Variants in TACR1 observed in about 807,000 individuals in gnomAD.
TACR1 encodes the protein tachykinin receptor 1.
Under a neutral mutation model 35.8 loss-of-function variants are expected in TACR1, and 25 were observed. The observed-to-expected ratio is 0.70, with a 90% CI of 0.51 to 0.98. The LOEUF (loss-of-function observed/expected upper bound fraction) is 0.98, where lower values mean the gene tolerates loss of function less well. Among genes scored for constraint, TACR1 ranks in the 50% least tolerant of loss-of-function variants. The pLI is 0.00. For synonymous variants in TACR1, 195 were observed against 206.7 expected, an observed-to-expected ratio of 0.94 and a Z score of 0.48; for missense variants, 478 against 522.9, an observed-to-expected ratio of 0.91 and a Z score of 0.84.
Position 75,154,413 on chromosome 2 carries a change from C to CGT in TACR1, c.390-33646_390-33645insAC, listed in dbSNP as rs1674767148. 3.2e-5 allele frequency: 2 copies of CGT among 62,070 alleles called. 1 individual carries two copies. The highest frequency in any genetic ancestry group is 6.1e-5 in the Non-Finnish European group (2 of 32,592). The allele number at this position is 62,070 out of a possible 1,614,324, so 3.8% of individuals were successfully genotyped here. ...ATAATCAGCCAAGAGCGCGCACGCA[C>CGT]ACACACACACACACACACACACACA... On this transcript the variant is annotated intron_variant, in intron 1 of 4. Transcript: ENST00000305249.
intron 1 of TACR1, among the ~76,000 whole-genome samples, chr2:75,164,472 G>C (rs376285422): frequency 2.0e-5 from 3 of 152,058 alleles, no homozygotes; most frequent in African/African-American, 7.2e-5. Context: ...AAAATTGAAC[G>C]CAGTACGTGA....
At chr2:75,157,606 G>A (rs1172797225) in intron 1 of TACR1, among the ~76,000 whole-genome samples, 3 of 152,180 alleles carry the variant, frequency 2.0e-5, no homozygotes, top group Admixed American at 1.3e-4. Flanking sequence ...ATACTCACTG[G>A]GAACATCCCC....
chr2:75,062,885 A>G (rs1014020087), intron 2 of TACR1, among the ~76,000 whole-genome samples: 2 of 152,180 alleles, frequency 1.3e-5, no homozygotes, highest in East Asian at 1.9e-4. Flanking sequence ...TTAAAATTTT[A>G]TAATTGTATT....
rs527568143 is a variant in TACR1 at position 75,132,492 on chromosome 2, TACTC to T, written c.390-11728_390-11725del. Among the ~76,000 whole-genome samples the T allele has an allele frequency of 4.4e-4, 67 of 152,310 alleles. 1 individual carries two copies. Among genetic ancestry groups the T allele is most frequent in the East Asian group, 1.5e-3 (8 of 5,186 alleles). ...ATGTCTAGTCATTCTTTATAATTTT[TACTC>T]ACTCCTCATATTGTCAGACTTCTTT... is the stretch of plus-strand genomic sequence containing the variant. On this transcript the variant is annotated intron_variant, in intron 1 of 4. Transcript: ENST00000305249.
chr2:75,107,451 G>T (rs1239687082), intron 2 of TACR1, among the ~76,000 whole-genome samples: 1 of 151,862 alleles, frequency 6.6e-6, no homozygotes, highest in Non-Finnish European at 1.5e-5. Flanking sequence ...GGTAACCTTT[G>T]ATATATGCCA....
In TACR1 at chr2:75,172,011, G is replaced by T. The variant is rs78647174; in HGVS notation, c.389+26535C>A. Among the ~76,000 whole-genome samples the T allele has an allele frequency of 2.1e-3, 317 of 152,232 alleles. 10 individuals are homozygous for T. In the East Asian group the frequency reaches 0.039, roughly 19 times the overall value. ...TGAGGATGTGAGAGGGACCATGGGT[G>T]GAATTCAGGTATTTCTTCATAGCAG... On this transcript the variant is annotated intron_variant, in intron 1 of 4. Transcript: ENST00000305249.
At chr2:75,162,062 AAG>A (rs1491008289) in intron 1 of TACR1, among the ~76,000 whole-genome samples, 2 of 151,230 alleles carry the variant, frequency 1.3e-5, no homozygotes, top group African/African-American at 2.4e-5. Flanking sequence ...AAAAAAAAAA[AAG>A]AAGTGAGTCT....
chr2:75,166,331 G>C (rs1378799116), intron 1 of TACR1, among the ~76,000 whole-genome samples: 1 of 152,034 alleles, frequency 6.6e-6, no homozygotes, highest in African/African-American at 2.4e-5. Context: ...AACAAACATA[G>C]AATGATGAAA....
intron 2 of TACR1, among the ~76,000 whole-genome samples, chr2:75,064,262 G>C (rs1166145402): frequency 6.6e-6 from 1 of 152,120 alleles, no homozygotes; most frequent in Non-Finnish European, 1.5e-5. Context: ...GGGCAGTAAT[G>C]GTGTTTGAGG....
intron 1 of TACR1, among the ~76,000 whole-genome samples, chr2:75,130,663 C>T (rs1674160433): frequency 6.6e-6 from 1 of 152,200 alleles, no homozygotes; most frequent in Non-Finnish European, 1.5e-5. Context: ...GAATGTGTAA[C>T]TTGCACAAAA....
intron 1 of TACR1, among the ~76,000 whole-genome samples, chr2:75,175,734 C>G (rs1000010907): frequency 6.6e-6 from 1 of 152,076 alleles, no homozygotes; most frequent in Admixed American, 6.5e-5. Flanking sequence ...ATCTCAATAT[C>G]CTTAGCTTAA....
At chr2:75,095,398 G>A (rs1673402607) in intron 2 of TACR1, among the ~76,000 whole-genome samples, 1 of 152,174 alleles carries the variant, frequency 6.6e-6, no homozygotes, top group Admixed American at 6.5e-5. Flanking sequence ...TTAGAGGAGG[G>A]AATTCACTGG....
chr2:75,124,239 C>T lies in TACR1; in HGVS notation c.390-3471G>A, dbSNP rs144822140. On this transcript the variant is annotated intron_variant, in intron 1 of 4. Coordinates refer to ENST00000305249, the MANE Select transcript of TACR1 (RefSeq NM_001058.4). ...GATGATGCTTTATAAAAAGAACTCT[C>T]TGCTGCACATTTGTTTTTTCTTGTA... 4.5e-4 allele frequency among the ~76,000 whole-genome samples: 68 copies of T among 152,336 alleles called. 1 individual carries two copies. The highest frequency in any genetic ancestry group is 1.4e-3 in the African/African-American group (59 of 41,586).
chr2:75,122,970 A>G (rs752683527), intron 1 of TACR1, among the ~76,000 whole-genome samples: 30 of 151,904 alleles, frequency 2.0e-4, no homozygotes, highest in Non-Finnish European at 3.7e-4. Flanking sequence ...GGAGCCCTGT[A>G]TCCTCTTCAA....
At position 75,069,080 on chromosome 2, in the gene TACR1, G is replaced by A. The variant is rs535986880; in HGVS notation, c.585-15325C>T. On this transcript the variant is annotated intron_variant, in intron 2 of 4. Coordinates refer to ENST00000305249, the MANE Select transcript of TACR1 (RefSeq NM_001058.4). ...TCTCGTGAAAGTGAATAAGTCTCACGAGATGTGATGGTTTTATAAGAGGGG... is the reference window on the plus strand; with the variant it reads ...TCTCGTGAAAGTGAATAAGTCTCACAAGATGTGATGGTTTTATAAGAGGGG... Among the ~76,000 whole-genome samples the A allele has an allele frequency of 4.6e-5, 7 of 152,152 alleles. No individual in the cohort carries two copies. The South Asian group carries it at 1.2e-3, about 27-fold the overall frequency.
At chr2:75,059,909 C>G (rs1171313165) in intron 2 of TACR1, among the ~76,000 whole-genome samples, 1 of 152,208 alleles carries the variant, frequency 6.6e-6, no homozygotes, top group African/African-American at 2.4e-5. Flanking sequence ...AAAAAAATTT[C>G]AGGTCCATGT....
chr2:75,184,884 C>T (rs1186590009), intron 1 of TACR1, among the ~76,000 whole-genome samples: 1 of 151,678 alleles, frequency 6.6e-6, no homozygotes, highest in Non-Finnish European at 1.5e-5. Flanking sequence ...GCATCATGTT[C>T]ATACACTGAA....
Position 75,116,371 on chromosome 2 carries a change from G to A in TACR1, c.584+4203C>T, listed in dbSNP as rs1263279588. On this transcript the variant is annotated intron_variant, in intron 2 of 4. Coordinates refer to ENST00000305249, the MANE Select transcript of TACR1 (RefSeq NM_001058.4). ...TGCCTGGGCCTCCCAAAAAATACTG[G>A]GATTACAGTCATGAGCCACTGCACT... Among the ~76,000 whole-genome samples the A allele has an allele frequency of 2.6e-5, 4 of 152,004 alleles. No individual in the cohort carries two copies. The South Asian group carries it at 8.3e-4, about 32-fold the overall frequency.
chr2:75,106,122 C>T (rs1673640380), intron 2 of TACR1, among the ~76,000 whole-genome samples: 3 of 152,000 alleles, frequency 2.0e-5, no homozygotes, highest in Admixed American at 6.6e-5. Flanking sequence ...ACTTTTTGTA[C>T]TATCTTTGCA....
Sources: allele counts gnomAD v4.1 joint callset (sites outside exome capture counted in the v4.1 genomes callset), GRCh38; gene constraint gnomAD v4.1.1; transcripts MANE v1.5; gene names NCBI Gene and HGNC (gene_info 2026-07-23, HGNC 2026-07-21).